The following PKIB variants were observed in gnomAD, a reference collection of about 807,000 sequenced individuals.
PKIB encodes the protein cAMP-dependent protein kinase inhibitor beta, also known as PKI-beta.
In PKIB, 2 loss-of-function variants were observed where a neutral mutation model predicts 4.5. That is an observed-to-expected ratio of 0.44 (90% CI 0.18 to 1.39). PKIB has a LOEUF of 1.39. PKIB is among the 40% of genes most tolerant of loss of function. The pLI, the probability that PKIB is intolerant of heterozygous loss-of-function variation, is 0.27. For missense variants in PKIB, 94 were observed against 92.6 expected (o/e 1.02, Z -0.06); for synonymous variants, 38 against 36.0 (o/e 1.06, Z -0.20).
intron 2 of PKIB, among the ~76,000 whole-genome samples, chr6:122,487,286 T>A (rs1775794183): frequency 6.6e-6 from 1 of 152,220 alleles, no homozygotes; most frequent in African/African-American, 2.4e-5. Context: ...TTCATGACCT[T>A]GTTATTTTTT....
At chr6:122,673,981 T>C (rs1777567462) in intron 2 of PKIB, among the ~76,000 whole-genome samples, 2 of 151,976 alleles carry the variant, frequency 1.3e-5, no homozygotes, top group South Asian at 4.2e-4. Context: ...GAAGAAGATA[T>C]ACTAGCAAGG....
intron 1 of PKIB, among the ~76,000 whole-genome samples, chr6:122,620,353 G>A (rs570875721): frequency 6.6e-6 from 1 of 152,238 alleles, no homozygotes; most frequent in East Asian, 1.9e-4. Flanking sequence ...ATTCCCAAAT[G>A]TATTCAGAAG....
intron 3 of PKIB, among the ~76,000 whole-genome samples, chr6:122,588,026 A>G (rs1263367542): frequency 6.6e-6 from 1 of 152,088 alleles, no homozygotes; most frequent in Non-Finnish European, 1.5e-5. Context: ...TCTTTAGTTT[A>G]ATTAGATCCC....
At chr6:122,670,185 C>A (rs567539298) in intron 2 of PKIB, among the ~76,000 whole-genome samples, 1 of 152,126 alleles carries the variant, frequency 6.6e-6, no homozygotes, top group African/African-American at 2.4e-5. Context: ...TGGAGTATAT[C>A]ACTTCTGCAC....
In PKIB at chr6:122,532,116, C is replaced by A. The variant is rs534027150; in HGVS notation, c.-247-53805C>A. Among the ~76,000 whole-genome samples the A allele has an allele frequency of 2.0e-4, 31 of 152,262 alleles. 1 individual carries two copies. The highest frequency in any genetic ancestry group is 7.5e-4 in the African/African-American group (31 of 41,558). ...TGCAGCCTCATAGATAATAAACAGGCAGTAAATGGTAGCTATAATGTAGCT... is the reference window on the plus strand; with the variant it reads ...TGCAGCCTCATAGATAATAAACAGGAAGTAAATGGTAGCTATAATGTAGCT... On this transcript the variant is annotated intron_variant, in intron 2 of 6. Transcript: ENST00000392491.
intron 2 of PKIB, among the ~76,000 whole-genome samples, chr6:122,532,165 CAATT>C (rs1446222253): frequency 6.6e-6 from 1 of 152,112 alleles, no homozygotes; most frequent in Non-Finnish European, 1.5e-5. Flanking sequence ...TTGCAGATAA[CAATT>C]AACTAAGGTG....
chr6:122,492,866 C>T (rs1185375668), intron 2 of PKIB, among the ~76,000 whole-genome samples: 1 of 150,472 alleles, frequency 6.6e-6, no homozygotes, highest in Non-Finnish European at 1.5e-5. Context: ...TTTCCATTTT[C>T]CACAAAGGCA....
intron 3 of PKIB, among the ~76,000 whole-genome samples, chr6:122,676,957 C>T (rs747791028): frequency 6.6e-6 from 1 of 152,066 alleles, no homozygotes; most frequent in Non-Finnish European, 1.5e-5. Context: ...CTATACTGTA[C>T]CCGTGATTTC....
At chr6:122,722,814 CAG>C (rs1295108990) in intron 4 of PKIB, among the ~76,000 whole-genome samples, 9 of 152,164 alleles carry the variant, frequency 5.9e-5, no homozygotes, top group African/African-American at 1.7e-4. Context: ...AACTCCTTGA[CAG>C]AGTTATCTGC....
chr6:122,473,097 C>T (rs981892019), intron 1 of PKIB, among the ~76,000 whole-genome samples: 13 of 151,966 alleles, frequency 8.6e-5, no homozygotes, highest in African/African-American at 2.7e-4. Flanking sequence ...GGCTGCAGAG[C>T]GAGACTCCGT....
chr6:122,715,482 A>T (rs1478970193), intron 3 of PKIB, among the ~76,000 whole-genome samples: 1 of 151,912 alleles, frequency 6.6e-6, no homozygotes, highest in African/African-American at 2.4e-5. Flanking sequence ...CAAGCTGTTG[A>T]GAAGAGATCT....
chr6:122,509,370 A>G (rs989835978), intron 2 of PKIB, among the ~76,000 whole-genome samples: 5 of 152,054 alleles, frequency 3.3e-5, no homozygotes, highest in African/African-American at 7.2e-5. Flanking sequence ...TGGAACTACA[A>G]TCTTATTGGG....
At chr6:122,706,890 A>G (rs1779079173) in intron 3 of PKIB, among the ~76,000 whole-genome samples, 1 of 152,122 alleles carries the variant, frequency 6.6e-6, no homozygotes, top group Admixed American at 6.6e-5. Flanking sequence ...TATTTCCCTT[A>G]AAATGTTTTT....
intron 3 of PKIB, among the ~76,000 whole-genome samples, chr6:122,708,332 A>G (rs1779141595): frequency 1.3e-5 from 2 of 152,144 alleles, no homozygotes. Context: ...TCATTTTAAT[A>G]TTACTCAGAT....
chr6:122,501,902 C>A (rs535913470), intron 2 of PKIB, among the ~76,000 whole-genome samples: 1 of 147,154 alleles, frequency 6.8e-6, no homozygotes, highest in African/African-American at 2.5e-5. Context: ...TGCAAATAAG[C>A]ATAGGCTTTT....
chr6:122,718,286 A>G (rs1054945136), intron 4 of PKIB, among the ~76,000 whole-genome samples: 7 of 152,208 alleles, frequency 4.6e-5, no homozygotes, highest in African/African-American at 1.4e-4. Flanking sequence ...AAGTTTATTA[A>G]GAAGTATTCA....
At chr6:122,533,772 T>A (rs1777327703) in intron 2 of PKIB, among the ~76,000 whole-genome samples, 1 of 152,188 alleles carries the variant, frequency 6.6e-6, no homozygotes, top group African/African-American at 2.4e-5. Context: ...GTTTAAATTT[T>A]GCTTCCTTTC....
intron 3 of PKIB, among the ~76,000 whole-genome samples, chr6:122,715,705 A>G (rs1582841257): frequency 1.3e-5 from 2 of 151,378 alleles, no homozygotes; most frequent in Non-Finnish European, 2.9e-5. Context: ...TTTTAGATAT[A>G]TATATGTATA....
intron 2 of PKIB, among the ~76,000 whole-genome samples, chr6:122,520,120 T>G (rs1378281639): frequency 1.3e-5 from 2 of 152,242 alleles, no homozygotes; most frequent in Admixed American, 6.5e-5. Flanking sequence ...ACTGAGCCTT[T>G]TAGCCTGCTT....
Sources: gnomAD v4.1 joint callset for allele counts (sites outside exome capture counted in the v4.1 genomes callset) on GRCh38, gnomAD v4.1.1 for gene constraint, MANE v1.5 for transcripts, NCBI Gene and HGNC (gene_info 2026-07-23, HGNC 2026-07-21) for gene names.